STXBP5L: variants seen among roughly 807,000 people sequenced by gnomAD.
STXBP5L encodes syntaxin-binding protein 5-like.
Under a neutral mutation model 144.5 loss-of-function variants are expected in STXBP5L, and 65 were observed. The ratio of observed to expected loss-of-function variants is 0.45; its 90% CI spans 0.37 to 0.55. The LOEUF is 0.55. Among genes scored for constraint, STXBP5L ranks in the 20% least tolerant of loss-of-function variants. STXBP5L has a pLI of 0.00. For synonymous variants in STXBP5L, 505 were observed against 469.6 expected, an observed-to-expected ratio of 1.08 and a Z score of -0.97; for missense variants, 1,298 against 1,405.5, an observed-to-expected ratio of 0.92 and a Z score of 1.22.
At chr3:121,376,102 T>A (rs973720961) in intron 20 of STXBP5L, among the ~76,000 whole-genome samples, 9 of 152,228 alleles carry the variant, frequency 5.9e-5, no homozygotes, top group African/African-American at 2.2e-4. Context: ...TTAACTTTTG[T>A]TCTGAGTTTA....
intron 9 of STXBP5L, among the ~76,000 whole-genome samples, chr3:121,169,482 G>A (rs915230143): frequency 6.6e-6 from 1 of 152,110 alleles, no homozygotes; most frequent in African/African-American, 2.4e-5. Context: ...TCAAAATAAA[G>A]GGATGGAGGA....
chr3:121,257,421 T>C, intron 17 of STXBP5L, 88 bp downstream of exon 17: 1 of 1,265,552 alleles, frequency 7.9e-7, no homozygotes, highest in Non-Finnish European at 1.1e-6. Context: ...TTTTCTCTTA[T>C]TATCAAGCTA....
chr3:120,954,192 T>A (rs1389350816), intron 2 of STXBP5L, among the ~76,000 whole-genome samples: 1 of 152,172 alleles, frequency 6.6e-6, no homozygotes, highest in Non-Finnish European at 1.5e-5. Flanking sequence ...TGAATAGATT[T>A]TAATATTTGT....
intron 2 of STXBP5L, among the ~76,000 whole-genome samples, chr3:120,929,885 T>G (rs1217874225): frequency 1.3e-5 from 2 of 151,102 alleles, no homozygotes; most frequent in Non-Finnish European, 3.0e-5. Flanking sequence ...GTCAGTTGAG[T>G]TTTTTTTTAT....
At chr3:121,105,795 A>T (rs878974517) in intron 5 of STXBP5L, among the ~76,000 whole-genome samples, 6 of 152,050 alleles carry the variant, frequency 3.9e-5, no homozygotes, top group Admixed American at 2.0e-4. Context: ...TTATTTCTGT[A>T]AAAAAAATTC....
At chr3:120,923,525 ATATTGTATT>A (rs1412279077) in intron 2 of STXBP5L, among the ~76,000 whole-genome samples, 3 of 151,824 alleles carry the variant, frequency 2.0e-5, no homozygotes, top group African/African-American at 7.3e-5. Flanking sequence ...AGATTTCAGT[ATATTGTATT>A]TCCATTTTCA....
intron 5 of STXBP5L, among the ~76,000 whole-genome samples, chr3:121,053,434 T>A (rs1031920755): frequency 2.6e-5 from 4 of 152,064 alleles, no homozygotes; most frequent in Admixed American, 1.3e-4. Context: ...CAGAAATAAT[T>A]CTGCATATCT....
intron 3 of STXBP5L, among the ~76,000 whole-genome samples, chr3:120,997,669 G>T (rs560126933): frequency 1.3e-5 from 2 of 152,120 alleles, no homozygotes; most frequent in African/African-American, 4.8e-5. Flanking sequence ...TTGTAGTCTG[G>T]ATATTAGACC....
At chr3:120,971,107 G>T (rs1399367270) in intron 3 of STXBP5L, among the ~76,000 whole-genome samples, 2 of 152,102 alleles carry the variant, frequency 1.3e-5, no homozygotes, top group African/African-American at 2.4e-5. Flanking sequence ...TTCTCTGTAG[G>T]GGGGAGGTTC....
At chr3:121,034,084 G>T (rs1289394068) in intron 3 of STXBP5L, among the ~76,000 whole-genome samples, 1 of 152,046 alleles carries the variant, frequency 6.6e-6, no homozygotes, top group Non-Finnish European at 1.5e-5. Context: ...TCTCTAGGTA[G>T]CAAATGGAGG....
chr3:121,344,372 T>A (rs753059348), intron 20 of STXBP5L, among the ~76,000 whole-genome samples: 3 of 152,042 alleles, frequency 2.0e-5, no homozygotes, highest in Non-Finnish European at 2.9e-5. Context: ...CCAAAAGCAA[T>A]GGCAACAAAA....
At chr3:120,951,616 C>T (rs1239684126) in intron 2 of STXBP5L, among the ~76,000 whole-genome samples, 2 of 152,158 alleles carry the variant, frequency 1.3e-5, no homozygotes, top group Admixed American at 6.5e-5. Context: ...TATCATCTCA[C>T]ACCAGTTAGA....
chr3:121,048,806 C>T (rs887726175), intron 5 of STXBP5L, among the ~76,000 whole-genome samples: 2 of 152,118 alleles, frequency 1.3e-5, no homozygotes, highest in Admixed American at 1.3e-4. Flanking sequence ...CTGCCTCAGC[C>T]TCCTGAGTAG....
intron 3 of STXBP5L, among the ~76,000 whole-genome samples, chr3:121,018,186 T>G (rs760152588): frequency 3.9e-5 from 6 of 152,212 alleles, no homozygotes; most frequent in East Asian, 1.9e-4. Context: ...AGATTCAATT[T>G]AGTCCCAGCA....
At chr3:120,981,511 A>G (rs1941772527) in intron 3 of STXBP5L, among the ~76,000 whole-genome samples, 1 of 152,054 alleles carries the variant, frequency 6.6e-6, no homozygotes, top group South Asian at 2.1e-4. Flanking sequence ...GGTTCCTTTA[A>G]TGAATTTTTA....
intron 20 of STXBP5L, among the ~76,000 whole-genome samples, chr3:121,329,183 T>C (rs1328249917): frequency 6.6e-6 from 1 of 152,202 alleles, no homozygotes; most frequent in Non-Finnish European, 1.5e-5. Context: ...ATGTACCTTC[T>C]TATCCTGGGT....
intron 3 of STXBP5L, among the ~76,000 whole-genome samples, chr3:120,979,742 C>T (rs1217805605): frequency 1.3e-5 from 2 of 152,138 alleles, no homozygotes; most frequent in African/African-American, 2.4e-5. Flanking sequence ...TCATTTAGTT[C>T]TGCTCTGATC....
intron 22 of STXBP5L, among the ~76,000 whole-genome samples, chr3:121,389,836 G>A (rs750718145): frequency 6.6e-6 from 1 of 152,208 alleles, no homozygotes; most frequent in Non-Finnish European, 1.5e-5. Flanking sequence ...CAAGTTTGAT[G>A]TGGTGCTGAG....
intron 3 of STXBP5L, among the ~76,000 whole-genome samples, chr3:120,961,596 C>T (rs991184952): frequency 1.2e-4 from 18 of 152,206 alleles, no homozygotes; most frequent in African/African-American, 4.3e-4. Context: ...CTGCGAAGGG[C>T]TAGAACTCAT....
Sources: allele counts gnomAD v4.1 joint callset (sites outside exome capture counted in the v4.1 genomes callset), GRCh38; gene constraint gnomAD v4.1.1; transcripts MANE v1.5; gene names NCBI Gene and HGNC (gene_info 2026-07-23, HGNC 2026-07-21).